Variants in USP24 observed in about 807,000 individuals in gnomAD.
The protein encoded by USP24 is ubiquitin carboxyl-terminal hydrolase 24.
A neutral mutation model predicts 361.6 loss-of-function variants in USP24; 97 were observed. The observed-to-expected ratio is 0.27, with a 90% CI of 0.23 to 0.32. USP24 has a LOEUF of 0.32. Among genes scored for constraint, USP24 ranks in the 10% least tolerant of loss-of-function variants. USP24 has a pLI of 1.00. For missense variants in USP24, 2,353 were observed against 3,165.6 expected, an observed-to-expected ratio of 0.74 and a Z score of 6.16; for synonymous variants, 1,098 against 1,124.6, an observed-to-expected ratio of 0.98 and a Z score of 0.47.
rs1224102853 is a variant in USP24 at position 55,214,965 on chromosome 1, T to C, written c.149A>G (p.Tyr50Cys). Reference protein sequence around the residue: ...LLTNERPGLDYGGYEPMDSGG... With the variant: ...LLTNERPGLDCGGYEPMDSGG... ...GCTGTCCATGGGCTCGTAGCCGCCG[T>C]AGTCGAGGCCCGGCCGCTCGTTGGT... The change falls in exon 1 of 68, where the codon TAC becomes TGC. Residue 50 changes from tyrosine to cysteine, a missense_variant. Transcript: ENST00000294383. 3.5e-6 allele frequency: 5 copies of C among 1,428,522 alleles called. No homozygotes were observed. In the South Asian group the frequency reaches 6.8e-5, roughly 19 times the overall value. 88.5% of individuals were successfully genotyped at this position (1,428,522 alleles called of 1,614,324 possible). A position where few individuals can be genotyped will look rare whatever the true frequency, so the allele number is the denominator to read the frequency against.
intron 1 of USP24, among the ~76,000 whole-genome samples, chr1:55,198,468 CTG>C (rs72450901): frequency 0.027 from 4,072 of 152,260 alleles, 137 homozygotes; most frequent in African/African-American, 0.073. Context: ...CCACCATGAG[CTG>C]TGTGATTTTA....
In USP24 at chr1:55,110,239, A is replaced by G. The variant is rs1267869443; in HGVS notation, c.4516T>C (p.Ser1506Pro). The change falls in exon 39 of 68, where the codon TCT becomes CCT. Residue 1506 changes from serine to proline, a missense_variant. Transcript: ENST00000294383. The part of the protein sequence containing the change: ...IMRGVNQRLL[S>P]QCMEYFDLRC... ...AAATCAAAATACTCCATACACTGAG[A>G]TAACAGTCTAAAAAACAGAAAGGTT... is the stretch of plus-strand genomic sequence containing the variant. The G allele has an allele frequency of 3.9e-6, 6 of 1,538,210 alleles. No homozygotes were observed. Among genetic ancestry groups the G allele is most frequent in the Admixed American group, 2.1e-5 (1 of 48,348 alleles).
At chr1:55,169,660 G>A (rs1649251455) in intron 5 of USP24, among the ~76,000 whole-genome samples, 1 of 152,154 alleles carries the variant, frequency 6.6e-6, no homozygotes, top group Non-Finnish European at 1.5e-5. Flanking sequence ...CCACAAGACA[G>A]TGAAATGGTA....
rs373853755 is a variant in USP24, at chr1:55,079,621, C to G, written c.7117G>C (p.Ala2373Pro). 3.2e-5 allele frequency: 49 copies of G among 1,549,568 alleles called. No individual in the cohort carries two copies. The highest frequency in any genetic ancestry group is 4.1e-5 in the Non-Finnish European group (47 of 1,158,340). Residue 2373 changes from alanine (A) to proline (P), a missense_variant, in exon 60 of 68, where the codon GCT becomes CCT. Transcript: ENST00000294383. ...AGGGGCAACAGAGGGCTTGAGGGAG[C>G]AATGCTAATGGGTGGTCGTTGCTTA... ...IFKQRPPISIAPSSPLLPLHE... is the reference protein window; with the variant it reads ...IFKQRPPISIPPSSPLLPLHE...
chr1:55,194,716 A>G (rs1425281178), intron 1 of USP24, among the ~76,000 whole-genome samples: 1 of 152,010 alleles, frequency 6.6e-6, no homozygotes, highest in African/African-American at 2.4e-5. Context: ...TGGTGCCCTC[A>G]ATGTACTCCA....
chr1:55,133,147 C>CTAAATT (rs1646638407), intron 30 of USP24, among the ~76,000 whole-genome samples: 1 of 152,144 alleles, frequency 6.6e-6, no homozygotes, highest in Non-Finnish European at 1.5e-5. Context: ...CTGAGCTGAT[C>CTAAATT]TAAATTTCTA....
chr1:55,112,367 G>A (rs1288067873), intron 38 of USP24, among the ~76,000 whole-genome samples: 1 of 152,070 alleles, frequency 6.6e-6, no homozygotes, highest in Non-Finnish European at 1.5e-5. Flanking sequence ...TGTGATGTTA[G>A]GGTGTCAATT....
intron 50 of USP24, among the ~76,000 whole-genome samples, chr1:55,095,783 T>C (rs1645483733): frequency 6.6e-6 from 1 of 152,216 alleles, no homozygotes; most frequent in Non-Finnish European, 1.5e-5. Flanking sequence ...TCTGCCAAGA[T>C]CGGCCAAATC....
intron 8 of USP24, 49 bp downstream of exon 8, chr1:55,162,149 GT>G: frequency 6.6e-7 from 1 of 1,522,090 alleles, no homozygotes; most frequent in Middle Eastern, 1.7e-4. Flanking sequence ...AGTTATTACT[GT>G]TTGCATGTCT....
At chr1:55,152,553 T>C (rs1179227493) in intron 16 of USP24, among the ~76,000 whole-genome samples, 2 of 152,160 alleles carry the variant, frequency 1.3e-5, no homozygotes, top group Non-Finnish European at 2.9e-5. Context: ...CCTCTTACTA[T>C]TGAAGGTTCT....
rs1456998817 is a variant in USP24 at position 55,178,010 on chromosome 1, T to C, written c.447A>G (p.Ser149=). The C allele has an allele frequency of 1.9e-6, 3 of 1,551,702 alleles. No individual in the cohort carries two copies. The highest frequency in any genetic ancestry group is 8.7e-7 in the Non-Finnish European group (1 of 1,146,970). ...HWSIPYKREE[S]LGKCLLASTY... ...TAGATGCCAACAGGCATTTGCCTAG[T>C]GATTCTTCTCGCTTGTAAGGGATGG... is the stretch of plus-strand genomic sequence containing the variant. The change falls in exon 2 of 68, where the codon TCA becomes TCG. Residue 149 remains serine (S), a synonymous_variant. Transcript: ENST00000294383.
Position 55,138,664 on chromosome 1 carries a change from G to A in USP24, c.2872C>T (p.His958Tyr). 6.2e-7 allele frequency: 1 copy of A among 1,613,154 alleles called. No homozygotes were observed. The highest frequency in any genetic ancestry group is 8.5e-7 in the Non-Finnish European group (1 of 1,179,490). Residue 958 changes from histidine to tyrosine, a missense_variant, in exon 26 of 68, where the codon CAT becomes TAT. His to Tyr is a moderately conservative substitution (Grantham distance 83). Around this residue, in one of 8 missense-constraint regions of USP24, gnomAD observed 949 missense variants for 1,280.5 expected, o/e 0.74. Transcript: ENST00000294383. ...TAGGTAACATTAAGGGTTAAAAGAT[G>A]TCCATGAAATGAGGCACCATGAGGT... ...ILPHGASFHG[H>Y]LLTLNVTYES...
At chr1:55,200,462 A>G (rs183393754) in intron 1 of USP24, among the ~76,000 whole-genome samples, 1 of 152,248 alleles carries the variant, frequency 6.6e-6, no homozygotes, top group East Asian at 1.9e-4. Flanking sequence ...CATTCAATAG[A>G]TTGCTTAGTG....
intron 4 of USP24, 85 bp from the exon 5 acceptor site, chr1:55,171,763 C>T: frequency 7.2e-7 from 1 of 1,391,808 alleles, no homozygotes; most frequent in Non-Finnish European, 9.8e-7. Context: ...AAAAATATAG[C>T]CTTTGACTCC....
At chr1:55,212,651 A>G (rs1644875133) in intron 1 of USP24, among the ~76,000 whole-genome samples, 1 of 152,192 alleles carries the variant, frequency 6.6e-6, no homozygotes, top group Non-Finnish European at 1.5e-5. Flanking sequence ...TAAACCACAG[A>G]GGCACATTCT....
intron 20 of USP24, 72 bp downstream of exon 20, chr1:55,145,926 T>C: frequency 8.9e-7 from 1 of 1,122,872 alleles, no homozygotes; most frequent in Non-Finnish European, 1.3e-6. Context: ...AGAAGGAGGA[T>C]TAAAAGTAAA....
intron 16 of USP24, among the ~76,000 whole-genome samples, chr1:55,153,140 G>T (rs1647282851): frequency 6.6e-6 from 1 of 152,140 alleles, no homozygotes; most frequent in Non-Finnish European, 1.5e-5. Flanking sequence ...TCCAATTAGG[G>T]CTGCTGCAAC....
rs1295682429 is a variant in USP24, at chr1:55,154,402, C to T, written c.1619G>A (p.Arg540Gln). The change falls in exon 14 of 68, where the codon CGG becomes CAG. Residue 540 changes from arginine to glutamine, a missense_variant. Transcript: ENST00000294383. The part of the protein sequence containing the change: ...KLLSLIGRIG[R>Q]EARFETTSGK... ...AGAAGTGGTCTCAAAGCGAGCTTCC[C>T]GGCCTATTCGTCCAATCAGGCTCAA... 6.4e-7 allele frequency: 1 copy of T among 1,551,486 alleles called. No individual in the cohort carries two copies. The highest frequency in any genetic ancestry group is 1.2e-5 in the South Asian group (1 of 84,046).
At chr1:55,209,072 GA>G (rs938948753) in intron 1 of USP24, among the ~76,000 whole-genome samples, 29 of 150,300 alleles carry the variant, frequency 1.9e-4, no homozygotes. Context: ...TAAAGAAAAT[GA>G]AAAATACAAG....
Sources: allele counts gnomAD v4.1 joint callset (sites outside exome capture counted in the v4.1 genomes callset), GRCh38; gene constraint gnomAD v4.1.1; regional missense constraint gnomAD v4.1.1; transcripts MANE v1.5; gene names NCBI Gene and HGNC (gene_info 2026-07-23, HGNC 2026-07-21).